CHN2: variants seen among roughly 807,000 people sequenced by gnomAD.
CHN2 encodes the protein beta-chimaerin.
Under a neutral mutation model 56.3 loss-of-function variants are expected in CHN2, and 35 were observed. The observed-to-expected ratio is 0.62, with a 90% CI of 0.47 to 0.82. The LOEUF is 0.82. Ranked by LOEUF, CHN2 falls within the 40% of genes least tolerant of loss-of-function variation. CHN2 has a pLI of 0.00. For missense variants in CHN2, 491 were observed against 580.5 expected, an observed-to-expected ratio of 0.85 and a Z score of 1.58; for synonymous variants, 210 against 212.8, an observed-to-expected ratio of 0.99 and a Z score of 0.12.
chr7:29,300,600 G>A (rs1342176258), intron 1 of CHN2, among the ~76,000 whole-genome samples: 1 of 152,046 alleles, frequency 6.6e-6, no homozygotes, highest in African/African-American at 2.4e-5. Context: ...TGATATGGTG[G>A]GTCAAATTTG....
intron 1 of CHN2, among the ~76,000 whole-genome samples, chr7:29,278,176 C>A (rs1791383188): frequency 6.6e-6 from 1 of 152,166 alleles, no homozygotes; most frequent in Non-Finnish European, 1.5e-5. Context: ...ACCTTGACTG[C>A]ACATTGAAAT....
At chr7:29,347,858 G>C (rs1426128532) in intron 1 of CHN2, among the ~76,000 whole-genome samples, 2 of 152,218 alleles carry the variant, frequency 1.3e-5, no homozygotes, top group Admixed American at 1.3e-4. Context: ...GACATGGATA[G>C]ATGCTAAAAC....
Position 29,480,280 on chromosome 7 carries a change from T to A in CHN2, c.578T>A (p.Ile193Asn), listed in dbSNP as rs879172564. The change falls in exon 7 of 13, where the codon ATC becomes AAC. Residue 193 changes from isoleucine to asparagine, a missense_variant and splice_region_variant. Physicochemically the swap from Ile to Asn is moderately radical, Grantham distance 149. Transcript: ENST00000222792. ...CTCAAACTCTTTGCCTGTTCACAGA[T>A]CTCCTCCCTGGTTCGAAGGGCTGCC... ...THEEHTAVEK[I>N]SSLVRRAALT... is the part of the protein sequence containing the mutation. The A allele has an allele frequency of 1.6e-5, 26 of 1,614,030 alleles. No individual in the cohort carries two copies. The South Asian group carries it at 2.9e-4, about 18-fold the overall frequency.
At chr7:29,175,319 C>T (rs567156604) in intron 2 of CHN2, among the ~76,000 whole-genome samples, 159 of 152,018 alleles carry the variant, frequency 1.0e-3, no homozygotes, top group Non-Finnish European at 1.8e-3. Context: ...GGATTACAGG[C>T]GCATGCCACC....
chr7:29,169,951 A>G (rs1446592856), intron 2 of CHN2, among the ~76,000 whole-genome samples: 2 of 151,648 alleles, frequency 1.3e-5, no homozygotes, highest in Non-Finnish European at 2.9e-5. Flanking sequence ...ATCATAGCTC[A>G]TTGCAGCCTT....
At chr7:29,512,212 T>G (rs1214619739) in intron 12 of CHN2, among the ~76,000 whole-genome samples, 2 of 151,158 alleles carry the variant, frequency 1.3e-5, no homozygotes, top group African/African-American at 4.9e-5. Flanking sequence ...ATAAGGCCTA[T>G]GAAAGGACCA....
chr7:29,195,968 TA>T (rs1471020020), intron 1 of CHN2, among the ~76,000 whole-genome samples: 2 of 152,142 alleles, frequency 1.3e-5, no homozygotes, highest in African/African-American at 4.8e-5. Flanking sequence ...GGATAGCTGA[TA>T]AGACATTTAG....
intron 1 of CHN2, among the ~76,000 whole-genome samples, chr7:29,319,717 C>T (rs1405939169): frequency 6.6e-6 from 1 of 152,194 alleles, no homozygotes; most frequent in East Asian, 1.9e-4. Context: ...CAGCATTTCT[C>T]TTCACTCCCA....
chr7:29,318,367 C>T (rs1257247865), intron 1 of CHN2, among the ~76,000 whole-genome samples: 2 of 152,202 alleles, frequency 1.3e-5, no homozygotes, highest in Admixed American at 1.3e-4. Context: ...GCGACAGAGA[C>T]TAGGTGGCCC....
intron 6 of CHN2, among the ~76,000 whole-genome samples, chr7:29,403,851 G>C (rs1182495791): frequency 6.6e-6 from 1 of 152,168 alleles, no homozygotes; most frequent in Non-Finnish European, 1.5e-5. Flanking sequence ...TTCCATAGAT[G>C]GATTATCTAC....
At chr7:29,254,482 C>T (rs1292482263) in intron 1 of CHN2, among the ~76,000 whole-genome samples, 1 of 152,176 alleles carries the variant, frequency 6.6e-6, no homozygotes, top group African/African-American at 2.4e-5. Context: ...GATTAAAAAA[C>T]CTAAGGTATA....
At chr7:29,156,020 G>A (rs1361128318) in intron 2 of CHN2, among the ~76,000 whole-genome samples, 1 of 152,172 alleles carries the variant, frequency 6.6e-6, no homozygotes, top group Non-Finnish European at 1.5e-5. Context: ...TTTAATATTG[G>A]TTTTCTTCCC....
chr7:29,504,961 ATCTCATGTT>A, intron 10 of CHN2, 140 bp downstream of exon 10: 1 of 609,724 alleles, frequency 1.6e-6, no homozygotes, highest in Non-Finnish European at 2.9e-6. Flanking sequence ...TGGCTTACAA[ATCTCATGTT>A]TCTGCCTCAC....
At chr7:29,494,726 T>C (rs73684716) in intron 7 of CHN2, among the ~76,000 whole-genome samples, 2,108 of 152,214 alleles carry the variant, frequency 0.014, 39 homozygotes, top group African/African-American at 0.042. Context: ...CTCTTTTTTA[T>C]TTATTAACTA....
rs1317126315 is a variant in CHN2, at chr7:29,514,174, G to A, written c.*1439G>A. 1 of 152,560 alleles carries A rather than the reference G, an allele frequency of 6.6e-6. No homozygotes were observed. The highest frequency in any genetic ancestry group is 1.5e-5 in the Non-Finnish European group (1 of 68,030). The allele number at this position is 152,560 out of a possible 1,614,324, so 9.5% of individuals were successfully genotyped here. ...CCTGCTATTATCCCTCCTCCCAACT[G>A]TACAGATTTGTTTGTTGTAGTTTAT... is the stretch of plus-strand genomic sequence containing the variant. On this transcript the variant is annotated 3_prime_UTR_variant, in exon 13 of 13. Coordinates refer to ENST00000222792, the MANE Select transcript of CHN2 (RefSeq NM_004067.4).
chr7:29,160,694 T>C (rs1226227989), intron 2 of CHN2, among the ~76,000 whole-genome samples: 1 of 152,146 alleles, frequency 6.6e-6, no homozygotes, highest in Non-Finnish European at 1.5e-5. Flanking sequence ...GGTGCTGTGG[T>C]AGCCATCTTG....
chr7:29,427,732 C>G (rs1364304143), intron 6 of CHN2, among the ~76,000 whole-genome samples: 1 of 146,736 alleles, frequency 6.8e-6, no homozygotes, highest in East Asian at 2.0e-4. Context: ...TCTTGTCTCA[C>G]TGAAACCACC....
At chr7:29,371,097 A>G (rs1165062437) in intron 3 of CHN2, among the ~76,000 whole-genome samples, 1 of 152,170 alleles carries the variant, frequency 6.6e-6, no homozygotes, top group Non-Finnish European at 1.5e-5. Context: ...CATAATGGGT[A>G]CTCAGTTAAT....
chr7:29,192,096 TG>T (rs1782959088), upstream of CHN2: 1 of 152,242 alleles, frequency 6.6e-6, no homozygotes, highest in Admixed American at 6.5e-5. Flanking sequence ...TTCAAAATAA[TG>T]GGTGTCAAAG....
Sources: gnomAD v4.1 joint callset for allele counts (sites outside exome capture counted in the v4.1 genomes callset) on GRCh38, gnomAD v4.1.1 for gene constraint, MANE v1.5 for transcripts, NCBI Gene and HGNC (gene_info 2026-07-23, HGNC 2026-07-21) for gene names.